The following FCHSD2 variants were observed in gnomAD, a reference collection of about 807,000 sequenced individuals.
The protein encoded by FCHSD2 is FCH and double SH3 domains 2.
Under a neutral mutation model 108.1 loss-of-function variants are expected in FCHSD2, and 38 were observed. That is an observed-to-expected ratio of 0.35 (90% CI 0.27 to 0.46). FCHSD2 has a LOEUF of 0.46. Ranked by LOEUF, FCHSD2 falls within the 20% of genes least tolerant of loss-of-function variation. The probability of loss-of-function intolerance (pLI) is 1.00; values close to 1 mark genes in which losing one functional copy is unlikely to be tolerated. For synonymous variants in FCHSD2, 279 were observed against 314.7 expected (o/e 0.89, Z 1.20); for missense variants, 751 against 897.8 (o/e 0.84, Z 2.09).
At chr11:72,945,241 G>A (rs1267888714) in intron 8 of FCHSD2, among the ~76,000 whole-genome samples, 1 of 152,092 alleles carries the variant, frequency 6.6e-6, no homozygotes, top group East Asian at 1.9e-4. Context: ...CAGAAATAAT[G>A]CCGCATATCT....
intron 8 of FCHSD2, among the ~76,000 whole-genome samples, chr11:72,949,126 A>C (rs1041099030): frequency 6.6e-6 from 1 of 152,106 alleles, no homozygotes; most frequent in Non-Finnish European, 1.5e-5. Context: ...CATCACCATT[A>C]CCTAATTCCA....
chr11:73,032,363 A>G (rs1223763237), intron 3 of FCHSD2, among the ~76,000 whole-genome samples: 2 of 152,052 alleles, frequency 1.3e-5, no homozygotes, highest in East Asian at 3.9e-4. Flanking sequence ...CAAGAAACTA[A>G]TATTACAGGT....
intron 2 of FCHSD2, among the ~76,000 whole-genome samples, chr11:73,090,917 G>A (rs977088230): frequency 6.6e-5 from 10 of 151,886 alleles, no homozygotes; most frequent in African/African-American, 2.4e-4. Flanking sequence ...AAGTAATCAC[G>A]CTTCATTCCC....
intron 5 of FCHSD2, among the ~76,000 whole-genome samples, chr11:72,997,427 A>G (rs1857539340): frequency 6.6e-6 from 1 of 152,200 alleles, no homozygotes; most frequent in African/African-American, 2.4e-5. Flanking sequence ...ACATCTTCCC[A>G]GAGCCTCTAC....
chr11:73,025,554 C>T (rs768166524), intron 3 of FCHSD2, among the ~76,000 whole-genome samples: 1 of 151,904 alleles, frequency 6.6e-6, no homozygotes, highest in African/African-American at 2.4e-5. Flanking sequence ...AGGCTTAATA[C>T]CTGGGTGATG....
chr11:73,077,646 T>G (rs1045642464), intron 3 of FCHSD2: 2 of 437,910 alleles, frequency 4.6e-6, no homozygotes, highest in African/African-American at 4.1e-5. Flanking sequence ...ATGGATAAAC[T>G]GTGGTATATC....
chr11:73,120,168 C>T (rs1418460512), intron 2 of FCHSD2, among the ~76,000 whole-genome samples: 2 of 151,864 alleles, frequency 1.3e-5, no homozygotes, highest in Non-Finnish European at 2.9e-5. Flanking sequence ...TCCCACAACA[C>T]GTGGGAATTA....
At chr11:73,003,504 T>TTTTTTTAG (rs1437541712) in intron 4 of FCHSD2, among the ~76,000 whole-genome samples, 1 of 151,048 alleles carries the variant, frequency 6.6e-6, no homozygotes, top group African/African-American at 2.4e-5. Flanking sequence ...TTTTTTTTTT[T>TTTTTTTAG]GAGACGGAGT....
chr11:73,004,640 C>G (rs1365292666), intron 4 of FCHSD2, among the ~76,000 whole-genome samples: 1 of 152,184 alleles, frequency 6.6e-6, no homozygotes, highest in Non-Finnish European at 1.5e-5. Flanking sequence ...CTCTTTCCAC[C>G]TTTATAACCT....
chr11:72,840,021 C>A (rs1436718658), intron 19 of FCHSD2, among the ~76,000 whole-genome samples: 1 of 152,184 alleles, frequency 6.6e-6, no homozygotes. Flanking sequence ...CATCAGCCCA[C>A]TGCTCTCTCT....
chr11:72,980,701 T>TA, intron 8 of FCHSD2, among the ~76,000 whole-genome samples: 3 of 149,420 alleles, frequency 2.0e-5, no homozygotes, highest in Non-Finnish European at 4.4e-5. Flanking sequence ...ATATATAATG[T>TA]ATGTATGTAT....
intron 10 of FCHSD2, among the ~76,000 whole-genome samples, chr11:72,902,170 C>T (rs1414027209): frequency 6.6e-6 from 1 of 152,114 alleles, no homozygotes; most frequent in South Asian, 2.1e-4. Context: ...CCACAGCGCA[C>T]GGCCTACTCT....
chr11:72,919,026 T>C (rs1329249410), intron 9 of FCHSD2, among the ~76,000 whole-genome samples: 1 of 152,186 alleles, frequency 6.6e-6, no homozygotes, highest in Non-Finnish European at 1.5e-5. Flanking sequence ...ATGAATGATA[T>C]AGGAAGCACT....
chr11:72,920,171 A>G (rs1451488879), intron 9 of FCHSD2, among the ~76,000 whole-genome samples: 3 of 152,242 alleles, frequency 2.0e-5, no homozygotes, highest in Non-Finnish European at 2.9e-5. Flanking sequence ...TGAGAAGCAG[A>G]ATAAAGGTCA....
chr11:72,893,222 G>A lies in FCHSD2; in HGVS notation c.925-3277C>T, dbSNP rs574522832. Reference sequence around the variant, plus strand: ...TTGCTATGTTGGCCAGGCTGGTCTCGAACTCCTGTCCTCAAGTGATCCACC... The same window carrying A: ...TTGCTATGTTGGCCAGGCTGGTCTCAAACTCCTGTCCTCAAGTGATCCACC... On this transcript the variant is annotated intron_variant, in intron 10 of 19. Coordinates refer to ENST00000409418, the MANE Select transcript of FCHSD2 (RefSeq NM_014824.3). Among the ~76,000 whole-genome samples, 3 of 151,948 alleles carry A rather than the reference G, an allele frequency of 2.0e-5. No individual in the cohort carries two copies. The East Asian group carries it at 5.9e-4, about 30-fold the overall frequency.
chr11:72,999,107 T>C (rs1439838374), intron 5 of FCHSD2, among the ~76,000 whole-genome samples: 2 of 152,120 alleles, frequency 1.3e-5, no homozygotes, highest in African/African-American at 4.8e-5. Flanking sequence ...AGTCCTTCAA[T>C]TTTCAGTTAT....
At chr11:72,904,732 C>T (rs923696058) in intron 9 of FCHSD2, among the ~76,000 whole-genome samples, 2 of 152,192 alleles carry the variant, frequency 1.3e-5, no homozygotes, top group African/African-American at 4.8e-5. Context: ...GATACAAATA[C>T]AGCCCCCACA....
At chr11:73,106,571 G>A (rs1414923292) in intron 2 of FCHSD2, among the ~76,000 whole-genome samples, 1 of 152,048 alleles carries the variant, frequency 6.6e-6, no homozygotes, top group African/African-American at 2.4e-5. Flanking sequence ...CAAAACAGTA[G>A]ATAAGAATTT....
chr11:73,077,156 C>T (rs958377868), intron 3 of FCHSD2, among the ~76,000 whole-genome samples: 4 of 149,678 alleles, frequency 2.7e-5, no homozygotes, highest in Middle Eastern at 3.6e-3. Flanking sequence ...TACGCTCATT[C>T]GTTCTACTTT....
Sources: gnomAD v4.1 joint callset for allele counts (sites outside exome capture counted in the v4.1 genomes callset) on GRCh38, gnomAD v4.1.1 for gene constraint, MANE v1.5 for transcripts, NCBI Gene and HGNC (gene_info 2026-07-23, HGNC 2026-07-21) for gene names.